Variants in TAS2R1 observed in about 807,000 individuals in gnomAD.
TAS2R1 encodes the protein taste 2 receptor member 1.
For missense variants in TAS2R1, 370 were observed against 353.4 expected, an observed-to-expected ratio of 1.05 and a Z score of -0.38; for synonymous variants, 141 against 134.2, an observed-to-expected ratio of 1.05 and a Z score of -0.35.
At chr5:9,685,926 T>C (rs1331742624) in intron 1 of TAS2R1, among the ~76,000 whole-genome samples, 1 of 152,218 alleles carries the variant, frequency 6.6e-6, no homozygotes, top group East Asian at 1.9e-4. Context: ...AGTGCAATGG[T>C]GCAATCTTGG....
chr5:9,722,763 A>G, the TAS2R1 span, among the ~76,000 whole-genome samples: 1 of 152,218 alleles, frequency 6.6e-6, no homozygotes, highest in Non-Finnish European at 1.5e-5. Context: ...TGTTCAAAAC[A>G]CTTGAGCAAG....
At chr5:9,761,234 T>A in the TAS2R1 span, among the ~76,000 whole-genome samples, 1 of 152,226 alleles carries the variant, frequency 6.6e-6, no homozygotes, top group Admixed American at 6.5e-5. Context: ...AGAAAATACA[T>A]CTTCCTCTGA....
the TAS2R1 span, among the ~76,000 whole-genome samples, chr5:9,831,496 T>C: frequency 4.6e-5 from 7 of 152,170 alleles, no homozygotes; most frequent in African/African-American, 1.7e-4. Context: ...CATTTTTAAC[T>C]AGAGAAAACT....
chr5:9,855,118 T>A, the TAS2R1 span, among the ~76,000 whole-genome samples: 1 of 152,178 alleles, frequency 6.6e-6, no homozygotes, highest in Non-Finnish European at 1.5e-5. Context: ...ACGGGATACT[T>A]CTTTTACTTG....
chr5:9,893,263 G>A, the TAS2R1 span, among the ~76,000 whole-genome samples: 1 of 149,210 alleles, frequency 6.7e-6, no homozygotes. Flanking sequence ...GGAGTGCAGT[G>A]GTGTGATCTT....
At chr5:9,699,719 C>T (rs903853948) in intron 1 of TAS2R1, among the ~76,000 whole-genome samples, 1 of 152,126 alleles carries the variant, frequency 6.6e-6, no homozygotes, top group Non-Finnish European at 1.5e-5. Flanking sequence ...GCTGACTGTC[C>T]GTCAGCCACC....
the TAS2R1 span, among the ~76,000 whole-genome samples, chr5:9,850,022 C>G: frequency 1.1e-4 from 17 of 152,220 alleles, no homozygotes; most frequent in Non-Finnish European, 7.3e-5. Flanking sequence ...CACTCAAGCA[C>G]TCCACTGTCT....
In TAS2R1 at chr5:9,701,456, T is replaced by C. The variant is rs559031920; in HGVS notation, c.-242+10716A>G. ...AAGAATGAAATATGAAAGGGTGACA[T>C]TGGGTGTTTCAAAACTCCTCCTCAG... On this transcript the variant is annotated intron_variant, in intron 1 of 2. Transcript: ENST00000506620. 5.9e-5 allele frequency among the ~76,000 whole-genome samples: 9 copies of C among 152,204 alleles called. No homozygotes were observed. In the South Asian group the frequency reaches 6.2e-4, roughly 11 times the overall value.
chr5:9,841,357 G>A, the TAS2R1 span, among the ~76,000 whole-genome samples: 28 of 151,790 alleles, frequency 1.8e-4, no homozygotes, highest in Admixed American at 7.2e-4. Context: ...GGTGCCTTTC[G>A]CCATATTTCA....
the TAS2R1 span, among the ~76,000 whole-genome samples, chr5:9,894,150 C>T: frequency 6.6e-6 from 1 of 152,124 alleles, no homozygotes; most frequent in South Asian, 2.1e-4. Context: ...CGCCTGTAAT[C>T]CCTGTACTTT....
Position 9,629,023 on chromosome 5 carries a change from G to A in TAS2R1, c.*110C>T, listed in dbSNP as rs2126471985. On this transcript the variant is annotated 3_prime_UTR_variant, in exon 1 of 1. Coordinates refer to ENST00000382492, the MANE Select transcript of TAS2R1 (RefSeq NM_019599.3). Reference sequence around the variant, plus strand: ...TCAGGCTGGATAAACAGGCCTGAAGGGGACATGTTGTATATTTATGAACAG... The same window carrying A: ...TCAGGCTGGATAAACAGGCCTGAAGAGGACATGTTGTATATTTATGAACAG... The A allele has an allele frequency of 8.6e-7, 1 of 1,162,066 alleles. No homozygotes were observed. Among genetic ancestry groups the A allele is most frequent in the Non-Finnish European group, 1.2e-6 (1 of 846,556 alleles). 72.0% of individuals were successfully genotyped at this position (1,162,066 alleles called of 1,614,324 possible).
intron 1 of TAS2R1, among the ~76,000 whole-genome samples, chr5:9,678,098 AC>A (rs1740912414): frequency 6.6e-6 from 1 of 152,028 alleles, no homozygotes; most frequent in Non-Finnish European, 1.5e-5. Context: ...AAGACAAACA[AC>A]CCCATTAAAA....
chr5:9,788,730 A>G, the TAS2R1 span, among the ~76,000 whole-genome samples: 3 of 152,256 alleles, frequency 2.0e-5, no homozygotes, highest in Non-Finnish European at 4.4e-5. Context: ...CAGCCGAACA[A>G]CAGTAAACTC....
the TAS2R1 span, among the ~76,000 whole-genome samples, chr5:9,893,955 T>C: frequency 6.6e-6 from 1 of 152,178 alleles, no homozygotes; most frequent in Non-Finnish European, 1.5e-5. Flanking sequence ...AAAGTGAATA[T>C]ATGTTGACCC....
chr5:9,720,198 T>C, the TAS2R1 span, among the ~76,000 whole-genome samples: 1 of 152,256 alleles, frequency 6.6e-6, no homozygotes. Context: ...TATTTAGCTC[T>C]TGCTGTATGC....
upstream of TAS2R1, among the ~76,000 whole-genome samples, chr5:9,712,885 G>C (rs897978494): frequency 1.9e-4 from 28 of 150,154 alleles, no homozygotes; most frequent in African/African-American, 6.4e-4. Context: ...AGATCTTTCT[G>C]TATCTTTGGA....
chr5:9,831,307 G>A, the TAS2R1 span, among the ~76,000 whole-genome samples: 1 of 151,916 alleles, frequency 6.6e-6, no homozygotes, highest in Non-Finnish European at 1.5e-5. Flanking sequence ...ATAATATAGA[G>A]CAAAGTATTA....
chr5:9,686,719 C>T (rs114854153), intron 1 of TAS2R1, among the ~76,000 whole-genome samples: 205 of 152,220 alleles, frequency 1.3e-3, no homozygotes, highest in Middle Eastern at 6.8e-3. Flanking sequence ...AACTATATTA[C>T]GTTCACATGA....
the TAS2R1 span, among the ~76,000 whole-genome samples, chr5:9,826,448 T>C: frequency 6.6e-6 from 1 of 152,220 alleles, no homozygotes; most frequent in Non-Finnish European, 1.5e-5. Flanking sequence ...AGAAACACAC[T>C]AAAATGTCTC....
Sources: gnomAD v4.1 joint callset for allele counts (sites outside exome capture counted in the v4.1 genomes callset) on GRCh38, gnomAD v4.1.1 for gene constraint, MANE v1.5 for transcripts, NCBI Gene and HGNC (gene_info 2026-07-23, HGNC 2026-07-21) for gene names.